The following STRN variants were observed in gnomAD, a reference collection of about 807,000 sequenced individuals.
The protein encoded by STRN is protein phosphatase 2 regulatory subunit B'''alpha.
Under a neutral mutation model 96.3 loss-of-function variants are expected in STRN, and 53 were observed. That is an observed-to-expected ratio of 0.55 (90% confidence interval 0.44 to 0.69). The LOEUF is 0.69. Ranked by LOEUF, STRN falls within the 30% of genes least tolerant of loss-of-function variation. STRN has a pLI of 0.00. For missense variants in STRN, 987 were observed against 963.9 expected, an observed-to-expected ratio of 1.02 and a Z score of -0.32; for synonymous variants, 428 against 355.9, an observed-to-expected ratio of 1.20 and a Z score of -2.28.
chr2:36,892,313 G>A (rs542559197), intron 7 of STRN, among the ~76,000 whole-genome samples: 1 of 152,026 alleles, frequency 6.6e-6, no homozygotes, highest in South Asian at 2.1e-4. Context: ...GATACGTAAG[G>A]GTACTATGCT....
intron 9 of STRN, among the ~76,000 whole-genome samples, chr2:36,879,514 C>G (rs1001784465): frequency 1.3e-5 from 2 of 152,210 alleles, no homozygotes; most frequent in African/African-American, 4.8e-5. Flanking sequence ...CAACAACCAT[C>G]ATAGAAAAAT....
intron 1 of STRN, among the ~76,000 whole-genome samples, chr2:36,939,237 T>C (rs961188258): frequency 6.6e-6 from 1 of 152,070 alleles, no homozygotes; most frequent in Non-Finnish European, 1.5e-5. Flanking sequence ...AGCCTGTTTT[T>C]TGTTTTAATC....
rs1670372637 is a variant in STRN, at chr2:36,925,014, CCATTG to C, written c.338+86_338+90del. On this transcript the variant is annotated intron_variant, in intron 2 of 17. Transcript: ENST00000263918. The stretch of plus-strand genomic sequence containing the variant: ...GAGGTCGCGGTGAGCCAAGATCGTA[CCATTG>C]CACCCCAGCCTGGGCAACAAGAACG... 10 of 1,156,106 alleles carry C rather than the reference CCATTG, an allele frequency of 8.6e-6. No individual in the cohort carries two copies. In the South Asian group the frequency reaches 1.3e-4, roughly 15 times the overall value. The allele number at this position is 1,156,106 out of a possible 1,614,324, so 71.6% of individuals were successfully genotyped here. A position where few individuals can be genotyped will look rare whatever the true frequency, so the allele number is the denominator to read the frequency against.
At chr2:36,862,206 T>C (rs890701552) in intron 12 of STRN, among the ~76,000 whole-genome samples, 1 of 152,200 alleles carries the variant, frequency 6.6e-6, no homozygotes, top group Non-Finnish European at 1.5e-5. Context: ...TTTGCTACTA[T>C]GTGCTATGAT....
At chr2:36,913,515 T>A (rs765328151) in intron 3 of STRN, among the ~76,000 whole-genome samples, 2 of 152,222 alleles carry the variant, frequency 1.3e-5, no homozygotes, top group African/African-American at 2.4e-5. Context: ...CCAAGAAGCC[T>A]TTCTTGACCA....
chr2:36,934,959 C>T (rs1250716510), intron 1 of STRN, among the ~76,000 whole-genome samples: 1 of 152,092 alleles, frequency 6.6e-6, no homozygotes, highest in African/African-American at 2.4e-5. Context: ...AAAACTGCAG[C>T]CCCAGCTACT....
intron 8 of STRN, among the ~76,000 whole-genome samples, chr2:36,884,304 A>G (rs1669154426): frequency 6.6e-6 from 1 of 152,240 alleles, no homozygotes; most frequent in South Asian, 2.1e-4. Context: ...CACTATTTAC[A>G]TAAAAAAGAA....
At chr2:36,943,811 AC>A (rs941110050) in intron 1 of STRN, among the ~76,000 whole-genome samples, 7 of 151,904 alleles carry the variant, frequency 4.6e-5, no homozygotes, top group Non-Finnish European at 7.4e-5. Flanking sequence ...CTCAAAAAAA[AC>A]CAAAACAGTT....
At chr2:36,953,057 A>G (rs983773645) in intron 1 of STRN, among the ~76,000 whole-genome samples, 1 of 152,232 alleles carries the variant, frequency 6.6e-6, no homozygotes, top group Non-Finnish European at 1.5e-5. Context: ...ATATACCAGT[A>G]TTGGATCTGA....
chr2:36,951,071 A>G (rs1205470353), intron 1 of STRN, among the ~76,000 whole-genome samples: 2 of 152,360 alleles, frequency 1.3e-5, no homozygotes, highest in East Asian at 3.9e-4. Flanking sequence ...AAAATATTCA[A>G]TTAGTTCTCA....
chr2:36,943,908 G>A (rs1251260090), intron 1 of STRN, among the ~76,000 whole-genome samples: 1 of 152,090 alleles, frequency 6.6e-6, no homozygotes, highest in African/African-American at 2.4e-5. Context: ...CCTGAGGTCA[G>A]GAGTTCGAGA....
At chr2:36,853,030 G>A (rs183542780) in intron 15 of STRN, among the ~76,000 whole-genome samples, 109 of 152,246 alleles carry the variant, frequency 7.2e-4, no homozygotes, top group Non-Finnish European at 1.2e-3. Flanking sequence ...GGTGGCACAC[G>A]CCTGTGGTCC....
rs184122190 is a variant in STRN, at chr2:36,853,543, C to A, written c.1978+1669G>T. Among the ~76,000 whole-genome samples, 259 of 152,290 alleles carry A rather than the reference C, an allele frequency of 1.7e-3. 1 individual carries two copies. The highest frequency in any genetic ancestry group is 6.0e-3 in the African/African-American group (250 of 41,548). ...CTTGATGATAAATCAGAGAAGTCGG[C>A]AGAATGCAAAGAACACTACTCATAC... On this transcript the variant is annotated intron_variant, in intron 15 of 17. Coordinates refer to ENST00000263918, the MANE Select transcript of STRN (RefSeq NM_003162.4).
intron 11 of STRN, 62 bp from the exon 12 acceptor site, chr2:36,867,923 T>A (rs1011931203): frequency 7.7e-5 from 101 of 1,307,974 alleles, no homozygotes; most frequent in Non-Finnish European, 9.7e-5. Flanking sequence ...ATTAAACATA[T>A]GTCATAAAAT....
chr2:36,840,507 C>G lies in STRN; in HGVS notation c.*8949G>C, dbSNP rs984100081. ...CAATCTCAGGATAAGCTCCACAGAA[C>G]CAAATGCATTTGAGCATCAACTGTC... On this transcript the variant is annotated 3_prime_UTR_variant, in exon 18 of 18. Coordinates refer to ENST00000263918, the MANE Select transcript of STRN (RefSeq NM_003162.4). 1.3e-5 allele frequency: 2 copies of G among 151,120 alleles called. No individual in the cohort carries two copies. Among genetic ancestry groups the G allele is most frequent in the African/African-American group, 4.9e-5 (2 of 41,176 alleles). The allele number at this position is 151,120 out of a possible 1,614,324, so 9.4% of individuals were successfully genotyped here.
chr2:36,866,461 T>G (rs374358669), intron 12 of STRN, among the ~76,000 whole-genome samples: 2 of 152,082 alleles, frequency 1.3e-5, no homozygotes, highest in Non-Finnish European at 2.9e-5. Context: ...TGGTCAGGAG[T>G]GTGGTTGATT....
In STRN at chr2:36,838,513, A is replaced by C. The variant is rs1027824757; in HGVS notation, c.*10943T>G. 6.6e-6 allele frequency among the ~76,000 whole-genome samples: 1 copy of C among 152,186 alleles called. No homozygotes were observed. The highest frequency in any genetic ancestry group is 2.4e-5 in the African/African-American group (1 of 41,446). On this transcript the variant is annotated 3_prime_UTR_variant, in exon 18 of 18. Transcript: ENST00000263918. ...ATGGAAATTAAAATAACACTGAAAA[A>C]TCACTACATCCACCAGGATTTTTTT...
At chr2:36,926,376 A>T (rs1670411517) in intron 1 of STRN, among the ~76,000 whole-genome samples, 1 of 152,212 alleles carries the variant, frequency 6.6e-6, no homozygotes, top group Admixed American at 6.5e-5. Flanking sequence ...CACTATTCTC[A>T]CATGTACCAC....
intron 6 of STRN, among the ~76,000 whole-genome samples, 198 bp downstream of exon 6, chr2:36,899,325 G>A (rs1458535939): frequency 1.3e-5 from 2 of 152,070 alleles, no homozygotes; most frequent in African/African-American, 4.8e-5. Flanking sequence ...CAAACAGTGA[G>A]GAATTTCAAG....
Sources: allele counts gnomAD v4.1 joint callset (sites outside exome capture counted in the v4.1 genomes callset), GRCh38; gene constraint gnomAD v4.1.1; transcripts MANE v1.5; gene names NCBI Gene and HGNC (gene_info 2026-07-23, HGNC 2026-07-21).